Variants in SPARCL1 observed in about 807,000 individuals in gnomAD.
SPARCL1 encodes SPARC-like protein 1.
A neutral mutation model predicts 67.1 loss-of-function variants in SPARCL1; 52 were observed. That is an observed-to-expected ratio of 0.78 (90% CI 0.62 to 0.98). SPARCL1 has a LOEUF of 0.98. Ranked by LOEUF, SPARCL1 falls within the 50% of genes least tolerant of loss-of-function variation. SPARCL1 has a pLI of 0.00. For missense variants in SPARCL1, 717 were observed against 782.4 expected, an observed-to-expected ratio of 0.92 and a Z score of 1.00; for synonymous variants, 226 against 267.8, an observed-to-expected ratio of 0.84 and a Z score of 1.52.
At chr4:87,482,308 TG>T in intron 8 of SPARCL1, 115 bp downstream of exon 8, 1 of 1,071,048 alleles carries the variant, frequency 9.3e-7, no homozygotes, top group Non-Finnish European at 1.4e-6. Context: ...TAACCGGGCA[TG>T]GGGAAGCATA....
intron 1 of SPARCL1, among the ~76,000 whole-genome samples, chr4:87,512,704 A>G (rs1307431528): frequency 6.6e-6 from 1 of 152,198 alleles, no homozygotes; most frequent in Non-Finnish European, 1.5e-5. Flanking sequence ...CCCAATCCAG[A>G]TTGGAGAATT....
intron 7 of SPARCL1, among the ~76,000 whole-genome samples, chr4:87,489,919 C>G (rs890731031): frequency 2.6e-5 from 4 of 152,156 alleles, no homozygotes; most frequent in Admixed American, 2.6e-4. Flanking sequence ...AAAGGCTTAA[C>G]TTAAATTGGG....
chr4:87,479,733 T>G (rs1723730860), intron 9 of SPARCL1, among the ~76,000 whole-genome samples, 155 bp from the exon 10 acceptor site: 1 of 152,242 alleles, frequency 6.6e-6, no homozygotes, highest in Non-Finnish European at 1.5e-5. Flanking sequence ...AAAGTATTTG[T>G]GGGTAAGGTT....
At chr4:87,479,871 A>G (rs540325951) in intron 9 of SPARCL1, among the ~76,000 whole-genome samples, 9 of 152,084 alleles carry the variant, frequency 5.9e-5, no homozygotes, top group Non-Finnish European at 1.2e-4. Context: ...TACTGGCCAT[A>G]CCTGATTGTT....
rs1387225246 is a variant in SPARCL1, at chr4:87,490,883, CAG to C, written c.1292-7_1292-6del. On this transcript the variant is annotated splice_region_variant and splice_polypyrimidine_tract_variant and intron_variant, in intron 5 of 10. Transcript: ENST00000282470. ...ACTGGAAGCTCATGCAAGAATCTAA[CAG>C]AAAAGATTGGGCAGGAAGCATGGAC... is the stretch of plus-strand genomic sequence containing the variant. 2 of 1,529,072 alleles carry C rather than the reference CAG, an allele frequency of 1.3e-6. No homozygotes were observed. The highest frequency in any genetic ancestry group is 2.8e-5 in the African/African-American group (2 of 72,686). 94.7% of individuals were successfully genotyped at this position (1,529,072 alleles called of 1,614,324 possible). A position where few individuals can be genotyped will look rare whatever the true frequency, so the allele number is the denominator to read the frequency against.
At chr4:87,500,810 G>A (rs759568802) in intron 1 of SPARCL1, among the ~76,000 whole-genome samples, 2 of 148,138 alleles carry the variant, frequency 1.4e-5, no homozygotes, top group South Asian at 2.1e-4. Context: ...ACGCGCGCAC[G>A]CACACACTTC....
intron 1 of SPARCL1, among the ~76,000 whole-genome samples, chr4:87,517,700 T>G (rs1725639998): frequency 6.6e-6 from 1 of 152,214 alleles, no homozygotes; most frequent in Admixed American, 6.5e-5. Context: ...CAGTGGAAAT[T>G]GCCTCTCTTT....
intron 1 of SPARCL1, among the ~76,000 whole-genome samples, chr4:87,525,867 C>A (rs538871601): frequency 6.6e-6 from 1 of 152,220 alleles, no homozygotes; most frequent in Admixed American, 6.5e-5. Flanking sequence ...GCTCCTGCTA[C>A]ATGCAGCCAG....
intron 4 of SPARCL1, among the ~76,000 whole-genome samples, chr4:87,491,950 CCCCCCA>C (rs1560817780): frequency 2.5e-5 from 2 of 80,760 alleles, no homozygotes; most frequent in African/African-American, 1.2e-4. Flanking sequence ...ACCCACCCCC[CCCCCCA>C]AAAAAAAAAA....
At chr4:87,505,161 G>A (rs1029065752) in intron 1 of SPARCL1, among the ~76,000 whole-genome samples, 26 of 152,262 alleles carry the variant, frequency 1.7e-4, no homozygotes, top group Non-Finnish European at 3.1e-4. Context: ...TTTCTCAAGT[G>A]ATGAACAATG....
intron 7 of SPARCL1, among the ~76,000 whole-genome samples, chr4:87,489,698 G>T (rs1421957391): frequency 6.6e-6 from 1 of 152,200 alleles, no homozygotes; most frequent in Non-Finnish European, 1.5e-5. Flanking sequence ...GACAAAGCAA[G>T]ATATATGGTC....
chr4:87,486,959 A>T (rs1367082337), intron 7 of SPARCL1, among the ~76,000 whole-genome samples: 1 of 90,110 alleles, frequency 1.1e-5, no homozygotes. Flanking sequence ...ATAGTCCTCC[A>T]TCCCTTTATT....
intron 1 of SPARCL1, among the ~76,000 whole-genome samples, chr4:87,506,867 C>G (rs1424113192): frequency 1.3e-5 from 2 of 152,002 alleles, no homozygotes; most frequent in African/African-American, 4.8e-5. Flanking sequence ...TGTTCTGTTT[C>G]TCTGGAGAAC....
At position 87,494,494 on chromosome 4, in the gene SPARCL1, G is replaced by A. The variant is rs1294148988; in HGVS notation, c.306C>T (p.Asp102=). 2 of 1,614,076 alleles carry A rather than the reference G, an allele frequency of 1.2e-6. No homozygotes were observed. Among genetic ancestry groups the A allele is most frequent in the African/African-American group, 1.3e-5 (1 of 75,006 alleles). The part of the protein sequence containing the change: ...SQELGLKDQE[D]SDGHLSVNLE... ...AATTCACACTTAAGTGACCATCACT[G>A]TCCTCTTGATCCTTCAATCCCAGCT... Residue 102 remains aspartate (D), a synonymous_variant, in exon 4 of 11, where the codon GAC becomes GAT. Transcript: ENST00000282470.
intron 5 of SPARCL1, among the ~76,000 whole-genome samples, chr4:87,491,340 A>G (rs1309357614): frequency 6.6e-6 from 1 of 152,224 alleles, no homozygotes; most frequent in Non-Finnish European, 1.5e-5. Flanking sequence ...ATAAGATAGA[A>G]TTAAGTCTTT....
intron 1 of SPARCL1, among the ~76,000 whole-genome samples, chr4:87,502,567 G>A (rs1266416876): frequency 6.6e-6 from 1 of 152,006 alleles, no homozygotes; most frequent in Non-Finnish European, 1.5e-5. Context: ...ATATTGTCCT[G>A]TTCTTTATTA....
Position 87,493,937 on chromosome 4 carries a change from A to C in SPARCL1, c.863T>G (p.Ile288Ser). 6.2e-7 allele frequency: 1 copy of C among 1,614,098 alleles called. No homozygotes were observed. The highest frequency in any genetic ancestry group is 8.5e-7 in the Non-Finnish European group (1 of 1,180,002). Residue 288 changes from isoleucine to serine, a missense_variant, in exon 4 of 11, where the codon ATT becomes AGT. Coordinates refer to ENST00000282470, the MANE Select transcript of SPARCL1 (RefSeq NM_004684.6). ...TTGACTCTGCCATTCAGTTTCTTGA[A>C]TGTGCTTATTGACGTTCGATGCATT... is the stretch of plus-strand genomic sequence containing the variant. ...EENASNVNKH[I>S]QETEWQSQEG... is the part of the protein sequence containing the mutation.
rs368683010 is a variant in SPARCL1 at position 87,490,894 on chromosome 4, G to C, written c.1292-16C>G. 1.4e-6 allele frequency: 2 copies of C among 1,435,246 alleles called. No individual in the cohort carries two copies. The highest frequency in any genetic ancestry group is 1.4e-5 in the African/African-American group (1 of 70,330). The allele number at this position is 1,435,246 out of a possible 1,614,324, so 88.9% of individuals were successfully genotyped here. ...ATGCAAGAATCTAACAGAAAAGATT[G>C]GGCAGGAAGCATGGACAAAGTTAAA... On this transcript the variant is annotated splice_polypyrimidine_tract_variant and intron_variant, in intron 5 of 10. Coordinates refer to ENST00000282470, the MANE Select transcript of SPARCL1 (RefSeq NM_004684.6).
chr4:87,501,864 C>T (rs1724864997), intron 1 of SPARCL1, among the ~76,000 whole-genome samples: 1 of 151,864 alleles, frequency 6.6e-6, no homozygotes, highest in African/African-American at 2.4e-5. Flanking sequence ...TATCAGAATT[C>T]TGGGGTTGAT....
Sources: allele counts gnomAD v4.1 joint callset (sites outside exome capture counted in the v4.1 genomes callset), GRCh38; gene constraint gnomAD v4.1.1; transcripts MANE v1.5; gene names NCBI Gene and HGNC (gene_info 2026-07-23, HGNC 2026-07-21).